The following EDDM3A variants were observed in gnomAD, a reference collection of about 807,000 sequenced individuals.
The protein encoded by EDDM3A is epididymal protein 3A.
For synonymous variants in EDDM3A, 75 were observed against 60.4 expected (o/e 1.24, Z -1.12); for missense variants, 199 against 177.4 (o/e 1.12, Z -0.69).
chr14:20,743,502 A>G (rs1325928843), upstream of EDDM3A, among the ~76,000 whole-genome samples: 1 of 152,196 alleles, frequency 6.6e-6, no homozygotes, highest in Non-Finnish European at 1.5e-5. Context: ...GTGAGCTGAG[A>G]TCATGCCTGG....
At position 20,746,369 on chromosome 14, in the gene EDDM3A, CCTAT is replaced by C. The variant is rs1472450264; in HGVS notation, c.-27+380_-27+383del. 4.0e-5 allele frequency among the ~76,000 whole-genome samples: 6 copies of C among 150,664 alleles called. No homozygotes were observed. In the South Asian group the frequency reaches 1.2e-3, roughly 31 times the overall value. On this transcript the variant is annotated intron_variant, in intron 1 of 1. Coordinates refer to ENST00000326842, the MANE Select transcript of EDDM3A (RefSeq NM_006683.5). The stretch of plus-strand genomic sequence containing the variant: ...AGGTCTGTAGGGAGCTGTGATTAGG[CCTAT>C]CTGAGGACACCGATACTCAGAGCTA...
chr14:20,743,945 T>A (rs996144828), upstream of EDDM3A, among the ~76,000 whole-genome samples: 8 of 151,782 alleles, frequency 5.3e-5, no homozygotes, highest in Non-Finnish European at 1.0e-4. Context: ...CCATGATTTT[T>A]TTTCCATATT....
At chr14:20,746,188 C>T (rs1434071121) in intron 1 of EDDM3A, among the ~76,000 whole-genome samples, 196 bp downstream of exon 1, 1 of 152,184 alleles carries the variant, frequency 6.6e-6, no homozygotes, top group Non-Finnish European at 1.5e-5. Flanking sequence ...TCCTCCTAAG[C>T]ACAGTGCATT....
chr14:20,737,079 G>T, the EDDM3A span, among the ~76,000 whole-genome samples: 9 of 135,374 alleles, frequency 6.6e-5, no homozygotes, highest in Admixed American at 3.7e-4. Flanking sequence ...TTGAGACAGA[G>T]TTTAGCCTTT....
At chr14:20,736,886 A>AT in the EDDM3A span, among the ~76,000 whole-genome samples, 4 of 150,474 alleles carry the variant, frequency 2.7e-5, no homozygotes, top group South Asian at 6.3e-4. Context: ...AATTTTTTGT[A>AT]TTTTTTAGTA....
chr14:20,736,283 T>C, the EDDM3A span, among the ~76,000 whole-genome samples: 1,730 of 152,232 alleles, frequency 0.011, 26 homozygotes, highest in African/African-American at 0.039. Context: ...CTAATTTTTG[T>C]ATTTTTAGTG....
chr14:20,738,893 T>C, the EDDM3A span, among the ~76,000 whole-genome samples: 1 of 152,198 alleles, frequency 6.6e-6, no homozygotes, highest in East Asian at 1.9e-4. Flanking sequence ...CATACAGATT[T>C]AAGTCAGTAT....
Position 20,745,952 on chromosome 14 carries a change from C to T in EDDM3A, c.-67C>T, listed in dbSNP as rs1350969693. 1 of 152,206 alleles carries T rather than the reference C, an allele frequency of 6.6e-6. No individual in the cohort carries two copies. The highest frequency in any genetic ancestry group is 1.5e-5 in the Non-Finnish European group (1 of 68,064). The allele number at this position is 152,206 out of a possible 1,614,324, so 9.4% of individuals were successfully genotyped here. On this transcript the variant is annotated 5_prime_UTR_variant, in exon 1 of 2. Transcript: ENST00000326842. Reference sequence around the variant, plus strand: ...CTGCTCTTCAGATCCACATGCTGATCCCCACTACAATCAGTGACCTGAACT... The same window carrying T: ...CTGCTCTTCAGATCCACATGCTGATTCCCACTACAATCAGTGACCTGAACT...
chr14:20,744,613 G>T (rs2139079158), upstream of EDDM3A, among the ~76,000 whole-genome samples: 1 of 152,302 alleles, frequency 6.6e-6, no homozygotes, highest in East Asian at 1.9e-4. Context: ...AGTTGAAGAA[G>T]TTGTGGTCTT....
Position 20,747,819 on chromosome 14 carries a change from G to A in EDDM3A, c.239G>A (p.Cys80Tyr), listed in dbSNP as rs749821117. 1.7e-5 allele frequency: 28 copies of A among 1,614,040 alleles called. No individual in the cohort carries two copies. The highest frequency in any genetic ancestry group is 2.7e-5 in the African/African-American group (2 of 74,922). ...YSLWFKIQRA[C>Y]INEKGSDRYR... ...TTATGGTTCAAAATTCAGCGTGCAT[G>A]CATCAATGAGAAGGGGAGCGACCGA... The change falls in exon 2 of 2, where the codon TGC becomes TAC. Residue 80 changes from cysteine (C) to tyrosine (Y), a missense_variant. Cys to Tyr is a radical substitution (Grantham distance 194). Coordinates refer to ENST00000326842, the MANE Select transcript of EDDM3A (RefSeq NM_006683.5).
the EDDM3A span, among the ~76,000 whole-genome samples, chr14:20,738,583 C>T: frequency 3.4e-4 from 51 of 152,180 alleles, no homozygotes; most frequent in African/African-American, 1.1e-3. Context: ...GATAAATACT[C>T]TTCAAAATAT....
At position 20,745,986 on chromosome 14, in the gene EDDM3A, A is replaced by G. The variant is rs1815437; in HGVS notation, c.-33A>G. ...AATCAGTGACCTGAACTCAGAGTCC[A>G]AGTAGGGTAAGAAGGGCTCTGCTGA... On this transcript the variant is annotated 5_prime_UTR_variant, in exon 1 of 2. Coordinates refer to ENST00000326842, the MANE Select transcript of EDDM3A (RefSeq NM_006683.5). 117,015 of 152,130 alleles carry G rather than the reference A, an allele frequency of 0.77. 45,355 individuals carry two copies. The highest frequency in any genetic ancestry group is 0.99 in the East Asian group (5,126 of 5,172). The allele number at this position is 152,130 out of a possible 1,614,324, so 9.4% of individuals were successfully genotyped here. A position where few individuals can be genotyped will look rare whatever the true frequency, so the allele number is the denominator to read the frequency against.
chr14:20,747,606 GCATACTCTTGGCC>G lies in EDDM3A; in HGVS notation c.28_40del (p.Ile10CysfsTer21), dbSNP rs1566349740. 5 of 1,609,990 alleles carry G rather than the reference GCATACTCTTGGCC, an allele frequency of 3.1e-6. No homozygotes were observed. The highest frequency in any genetic ancestry group is 4.2e-6 in the Non-Finnish European group (5 of 1,177,672). On this transcript the variant is annotated frameshift_variant, in exon 2 of 2. Transcript: ENST00000326842. LOFTEE classifies it low-confidence loss of function (END_TRUNC). ...ATGACATCCTCTCTAAAGATTTGGG[GCATACTCTTGGCC>G]CTGCTTTGCATCCTTTGCAGGCTGT...
chr14:20,741,718 T>A (rs976349082), upstream of EDDM3A, among the ~76,000 whole-genome samples: 7 of 152,108 alleles, frequency 4.6e-5, no homozygotes, highest in Non-Finnish European at 8.8e-5. Flanking sequence ...GGCTAAGAAC[T>A]TCTGTAATAA....
At chr14:20,742,915 T>A (rs937157867), upstream of EDDM3A, among the ~76,000 whole-genome samples, 1 of 152,102 alleles carries the variant, frequency 6.6e-6, no homozygotes, top group African/African-American at 2.4e-5. Context: ...TAATTTTCTG[T>A]AGAGATAGGG....
chr14:20,742,036 G>C (rs1877450118), upstream of EDDM3A, among the ~76,000 whole-genome samples: 1 of 152,134 alleles, frequency 6.6e-6, no homozygotes, highest in South Asian at 2.1e-4. Context: ...CGATTTCTTG[G>C]GACATCATCT....
At chr14:20,743,424 C>G (rs1403142788), upstream of EDDM3A, among the ~76,000 whole-genome samples, 1 of 152,108 alleles carries the variant, frequency 6.6e-6, no homozygotes, top group Non-Finnish European at 1.5e-5. Context: ...TTGGTGCGCA[C>G]CTGTACTCCC....
the EDDM3A span, among the ~76,000 whole-genome samples, chr14:20,740,262 G>A: frequency 3.9e-5 from 6 of 152,230 alleles, no homozygotes; most frequent in East Asian, 3.8e-4. Context: ...TATGGTTAAA[G>A]TTTAGTGGAG....
upstream of EDDM3A, among the ~76,000 whole-genome samples, chr14:20,742,474 C>G (rs562953879): frequency 6.6e-6 from 1 of 152,362 alleles, no homozygotes; most frequent in African/African-American, 2.4e-5. Flanking sequence ...TTATCTCTCT[C>G]CAAGGGAATC....
Sources: allele counts gnomAD v4.1 joint callset (sites outside exome capture counted in the v4.1 genomes callset), GRCh38; gene constraint gnomAD v4.1.1; transcripts MANE v1.5; gene names NCBI Gene and HGNC (gene_info 2026-07-23, HGNC 2026-07-21).